NFXL1: variants seen among roughly 807,000 people sequenced by gnomAD.
NFXL1 encodes the protein nuclear transcription factor, X-box binding like 1, also known as NF-X1-type zinc finger protein NFXL1.
NFXL1 carries 66 observed loss-of-function variants against 123.3 expected under a neutral mutation model. That is an observed-to-expected ratio of 0.54 (90% confidence interval 0.44 to 0.66). NFXL1 has a LOEUF of 0.66. Ranked by LOEUF, NFXL1 falls within the 30% of genes least tolerant of loss-of-function variation. The pLI is 0.00. For synonymous variants in NFXL1, 346 were observed against 360.8 expected (o/e 0.96, Z 0.46); for missense variants, 944 against 1,125.6 (o/e 0.84, Z 2.31).
chr4:47,887,206 C>G (rs1036356235), intron 12 of NFXL1, among the ~76,000 whole-genome samples: 1 of 152,104 alleles, frequency 6.6e-6, no homozygotes, highest in African/African-American at 2.4e-5. Flanking sequence ...GTAAGGAACT[C>G]TATCAGAAAT....
intron 18 of NFXL1, among the ~76,000 whole-genome samples, chr4:47,872,844 A>G (rs1378935324): frequency 1.3e-5 from 2 of 152,200 alleles, no homozygotes; most frequent in African/African-American, 4.8e-5. Flanking sequence ...GCAATTAAAA[A>G]AAATAAGACA....
In NFXL1 at chr4:47,898,810, CACAG is replaced by C. The variant is rs1386959326; in HGVS notation, c.1032_1035del (p.Cys345AlafsTer4). ...CAACTTCTTTCAGCTACTTTTTTGC[CACAG>C]ACACACTTTTGTCTACTAACTCTTG... On this transcript the variant is annotated frameshift_variant, in exon 8 of 23. Transcript: ENST00000507489. LOFTEE classifies it high-confidence loss of function. 2 of 1,613,838 alleles carry C rather than the reference CACAG, an allele frequency of 1.2e-6. No individual in the cohort carries two copies. Among genetic ancestry groups the C allele is most frequent in the Non-Finnish European group, 1.7e-6 (2 of 1,179,906 alleles).
intron 8 of NFXL1, 63 bp downstream of exon 8, chr4:47,898,694 T>C: frequency 9.2e-7 from 1 of 1,092,116 alleles, no homozygotes; most frequent in Non-Finnish European, 1.4e-6. Context: ...CTTGCTGCTT[T>C]CTAGGTTGTC....
chr4:47,885,481 T>C lies in NFXL1; in HGVS notation c.1824+17A>G, dbSNP rs896859089. On this transcript the variant is annotated intron_variant, in intron 14 of 22. Coordinates refer to ENST00000507489, the MANE Select transcript of NFXL1 (RefSeq NM_001278624.2). ...CCACAGCAATGCACTATTTCTCTAA[T>C]AGTATTATTCCCTTACCCTGCCAGT... 10 of 1,589,226 alleles carry C rather than the reference T, an allele frequency of 6.3e-6. No homozygotes were observed. Among genetic ancestry groups the C allele is most frequent in the Admixed American group, 1.7e-5 (1 of 58,550 alleles).
chr4:47,898,924 A>G (rs753460767), intron 7 of NFXL1, 35 bp downstream of exon 7: 2 of 1,613,106 alleles, frequency 1.2e-6, no homozygotes, highest in South Asian at 1.1e-5. Flanking sequence ...ACTTTTGCTT[A>G]AAGTCAGAAA....
chr4:47,881,746 T>C (rs73244438), intron 15 of NFXL1, among the ~76,000 whole-genome samples: 11,621 of 152,144 alleles, frequency 0.076, 675 homozygotes, highest in East Asian at 0.31. Context: ...AGAGGAACCA[T>C]AAAACCATAT....
intron 9 of NFXL1, among the ~76,000 whole-genome samples, chr4:47,896,963 A>G (rs1389247130): frequency 1.3e-5 from 2 of 152,216 alleles, no homozygotes; most frequent in African/African-American, 4.8e-5. Context: ...TTCCTAATGT[A>G]AAAATTTGTT....
At chr4:47,859,678 T>C (rs1481897206) in intron 19 of NFXL1, among the ~76,000 whole-genome samples, 3 of 151,378 alleles carry the variant, frequency 2.0e-5, no homozygotes, top group African/African-American at 7.3e-5. Flanking sequence ...CCGTTTCTAC[T>C]AAAAATACAA....
intron 2 of NFXL1, among the ~76,000 whole-genome samples, chr4:47,911,691 G>C (rs781732791): frequency 6.6e-6 from 1 of 152,120 alleles, no homozygotes; most frequent in Non-Finnish European, 1.5e-5. Flanking sequence ...TTTTGGATTC[G>C]TTCTTCCACT....
Position 47,861,640 on chromosome 4 carries a change from G to A in NFXL1, c.2316+1206C>T, listed in dbSNP as rs4627831. ...GATAGAATAAAATTTATTTTAACAA[G>A]GGAAGTTCAGGATTTGAATAATTCA... On this transcript the variant is annotated intron_variant, in intron 19 of 22. Transcript: ENST00000507489. Among the ~76,000 whole-genome samples, 1,085 of 152,170 alleles carry A rather than the reference G, an allele frequency of 7.1e-3. 13 individuals carry two copies. The highest frequency in any genetic ancestry group is 0.024 in the African/African-American group (990 of 41,514).
intron 19 of NFXL1, among the ~76,000 whole-genome samples, chr4:47,855,752 C>T (rs1022067597): frequency 1.3e-5 from 2 of 151,934 alleles, no homozygotes; most frequent in African/African-American, 4.8e-5. Context: ...CAACATTTAC[C>T]CTTTCTACTA....
chr4:47,901,307 T>TA (rs1321915230), intron 5 of NFXL1, among the ~76,000 whole-genome samples: 1 of 152,186 alleles, frequency 6.6e-6, no homozygotes, highest in African/African-American at 2.4e-5. Context: ...TTTATTTTCT[T>TA]AAAAAAATAT....
At chr4:47,869,504 T>G (rs903444776) in intron 18 of NFXL1, among the ~76,000 whole-genome samples, 2 of 152,126 alleles carry the variant, frequency 1.3e-5, no homozygotes, top group Non-Finnish European at 1.5e-5. Context: ...ATCTTCTATT[T>G]TAAAAATCTT....
intron 2 of NFXL1, among the ~76,000 whole-genome samples, chr4:47,911,531 T>C (rs1737828348): frequency 6.6e-6 from 1 of 152,242 alleles, no homozygotes; most frequent in Non-Finnish European, 1.5e-5. Flanking sequence ...GCACCCACTA[T>C]ATTTACAATC....
At chr4:47,899,186 A>G in intron 6 of NFXL1, 66 bp from the exon 7 acceptor site, 1 of 1,413,426 alleles carries the variant, frequency 7.1e-7, no homozygotes, top group Non-Finnish European at 9.5e-7. Context: ...TAAAACTTTC[A>G]ATTTCTACAC....
At position 47,851,928 on chromosome 4, in the gene NFXL1, G is replaced by A. The variant is rs1560577971; in HGVS notation, c.2436C>T (p.Asn812=). 1 of 1,608,622 alleles carries A rather than the reference G, an allele frequency of 6.2e-7. No homozygotes were observed. The highest frequency in any genetic ancestry group is 1.1e-5 in the South Asian group (1 of 90,842). The change falls in exon 21 of 23, where the codon AAC becomes AAT. Residue 812 remains asparagine, a synonymous_variant. Coordinates refer to ENST00000507489, the MANE Select transcript of NFXL1 (RefSeq NM_001278624.2). The part of the protein sequence containing the change: ...CKRIKKELQC[N]KVRENQVSIE... ...TTGAAACCTGATTTTCACGTACTTT[G>A]TTGCACTGCAATTCCTACAAACAAC...
chr4:47,895,366 T>C (rs1356361172), intron 10 of NFXL1, among the ~76,000 whole-genome samples: 1 of 152,248 alleles, frequency 6.6e-6, no homozygotes, highest in Non-Finnish European at 1.5e-5. Context: ...GTGAAAGTCC[T>C]ATATTGTATC....
intron 5 of NFXL1, among the ~76,000 whole-genome samples, chr4:47,900,121 C>T (rs564317907): frequency 6.6e-6 from 1 of 152,232 alleles, no homozygotes; most frequent in East Asian, 1.9e-4. Context: ...CCGCAAGAAA[C>T]ATGACTACAA....
intron 2 of NFXL1, 64 bp from the exon 3 acceptor site, chr4:47,911,058 C>T (rs976359578): frequency 1.1e-6 from 1 of 913,438 alleles, no homozygotes. Flanking sequence ...GCATAATGTG[C>T]TAATATATCA....
Sources: gnomAD v4.1 joint callset for allele counts (sites outside exome capture counted in the v4.1 genomes callset) on GRCh38, gnomAD v4.1.1 for gene constraint, MANE v1.5 for transcripts, NCBI Gene and HGNC (gene_info 2026-07-23, HGNC 2026-07-21) for gene names.